SLC11A2: variants seen among roughly 807,000 people sequenced by gnomAD.
The protein encoded by SLC11A2 is solute carrier family 11 member 2, also known as natural resistance-associated macrophage protein 2.
SLC11A2 carries 38 observed loss-of-function variants against 68.0 expected under a neutral mutation model. The ratio of observed to expected loss-of-function variants is 0.56; its 90% confidence interval spans 0.43 to 0.73. SLC11A2 has a LOEUF of 0.73. Ranked by LOEUF, SLC11A2 falls within the 30% of genes least tolerant of loss-of-function variation. The pLI is 0.00. For missense variants in SLC11A2, 517 were observed against 690.5 expected, an observed-to-expected ratio of 0.75 and a Z score of 2.82; for synonymous variants, 242 against 250.6, an observed-to-expected ratio of 0.97 and a Z score of 0.32.
the SLC11A2 span, among the ~76,000 whole-genome samples, chr12:50,963,448 A>G: frequency 6.6e-6 from 1 of 151,864 alleles, no homozygotes; most frequent in African/African-American, 2.4e-5. Context: ...TGCAAAGATG[A>G]GCTAGAACAA....
chr12:50,994,417 G>C, intron 11 of SLC11A2, 127 bp downstream of exon 11: 1 of 717,506 alleles, frequency 1.4e-6, no homozygotes, highest in Non-Finnish European at 2.6e-6. Flanking sequence ...CTGGTGTCTG[G>C]AACTCTGAAA....
At chr12:51,009,874 G>A (rs181347394) in intron 2 of SLC11A2, among the ~76,000 whole-genome samples, 41 of 152,178 alleles carry the variant, frequency 2.7e-4, no homozygotes, top group Non-Finnish European at 4.6e-4. Context: ...TACGAAGCAG[G>A]TCTCTGGTTA....
chr12:51,005,526 C>A, intron 3 of SLC11A2, 90 bp from the exon 4 acceptor site: 2 of 1,588,616 alleles, frequency 1.3e-6, no homozygotes, highest in East Asian at 2.3e-5. Flanking sequence ...GCAACAAAAT[C>A]CAGCCTCACA....
chr12:51,014,188 G>A (rs1943451302), intron 1 of SLC11A2: 1 of 152,326 alleles, frequency 6.6e-6, no homozygotes, highest in South Asian at 2.1e-4. Flanking sequence ...GAGAGGCCAT[G>A]CTAATCTTCT....
the SLC11A2 span, among the ~76,000 whole-genome samples, chr12:50,966,012 TCAGTTCTAGGGATAC>T: frequency 2.6e-5 from 4 of 152,288 alleles, no homozygotes; most frequent in Non-Finnish European, 5.9e-5. Flanking sequence ...CCCATAAGTT[TCAGTTCTAGGGATAC>T]CATAATCAGT....
At chr12:50,981,029 G>C (rs1334760997), downstream of SLC11A2, 1 of 152,174 alleles carries the variant, frequency 6.6e-6, no homozygotes, top group African/African-American at 2.4e-5. Flanking sequence ...TCTGTTTAAT[G>C]ACTAGAAAAC....
chr12:50,973,031 G>C, the SLC11A2 span, among the ~76,000 whole-genome samples: 1 of 152,204 alleles, frequency 6.6e-6, no homozygotes, highest in African/African-American at 2.4e-5. Flanking sequence ...AGCTCAAGGA[G>C]GCCTGCCTGC....
chr12:50,952,645 C>T, the SLC11A2 span, among the ~76,000 whole-genome samples: 2 of 152,228 alleles, frequency 1.3e-5, no homozygotes, highest in Non-Finnish European at 2.9e-5. Context: ...AGCAACGTCA[C>T]GTCTTTCCCC....
Position 50,987,596 on chromosome 12 carries a change from C to T in SLC11A2, c.*729G>A. ...TGTACTAACAGGCAGGTTATTAAGA[C>T]TCCCAAGAAATCCTCATAAGCTTTT... On this transcript the variant is annotated 3_prime_UTR_variant, in exon 16 of 16. Coordinates refer to ENST00000262052, the MANE Select transcript of SLC11A2 (RefSeq NM_000617.3). 1 of 1,287,150 alleles carries T rather than the reference C, an allele frequency of 7.8e-7. No individual in the cohort carries two copies. The highest frequency in any genetic ancestry group is 1.0e-6 in the Non-Finnish European group (1 of 988,658). 79.7% of individuals were successfully genotyped at this position (1,287,150 alleles called of 1,614,324 possible).
chr12:50,993,495 C>T (rs969495165), intron 11 of SLC11A2, among the ~76,000 whole-genome samples: 4 of 151,506 alleles, frequency 2.6e-5, no homozygotes, highest in African/African-American at 9.7e-5. Flanking sequence ...GAGTTTGAGA[C>T]AAGCCTAGGC....
Position 50,999,207 on chromosome 12 carries a change from G to A in SLC11A2, c.642C>T (p.Leu214=). ...LRKLEAFFGF[L]ITIMALTFGY... ...CAAATGTGAGGGCCATAATAGTGAT[G>A]AGAAAGCCAAAAAATGCTTCTAGCT... The change falls in exon 8 of 16, where the codon CTC becomes CTT. Residue 214 remains leucine (L), a synonymous_variant. Transcript: ENST00000262052. 1 of 1,613,952 alleles carries A rather than the reference G, an allele frequency of 6.2e-7. No individual in the cohort carries two copies. The highest frequency in any genetic ancestry group is 8.5e-7 in the Non-Finnish European group (1 of 1,179,956).
chr12:51,022,849 C>T (rs1386894748), intron 1 of SLC11A2, among the ~76,000 whole-genome samples: 1 of 152,152 alleles, frequency 6.6e-6, no homozygotes, highest in Non-Finnish European at 1.5e-5. Context: ...ACAAACCTGA[C>T]ACAAAATGAC....
Position 50,986,339 on chromosome 12 carries a change from G to T in SLC11A2, c.*1986C>A. The stretch of plus-strand genomic sequence containing the variant: ...CTGGTTAAAATGCACTTTCTGTGAA[G>T]ATCAAATGCAATAACGTATGAGGGT... On this transcript the variant is annotated 3_prime_UTR_variant, in exon 16 of 16. Coordinates refer to ENST00000262052, the MANE Select transcript of SLC11A2 (RefSeq NM_000617.3). 1 of 1,283,558 alleles carries T rather than the reference G, an allele frequency of 7.8e-7. No individual in the cohort carries two copies. The highest frequency in any genetic ancestry group is 1.0e-6 in the Non-Finnish European group (1 of 985,334). The allele number at this position is 1,283,558 out of a possible 1,614,324, so 79.5% of individuals were successfully genotyped here.
At chr12:50,977,524 A>G (rs1173554669), downstream of SLC11A2, among the ~76,000 whole-genome samples, 1 of 152,208 alleles carries the variant, frequency 6.6e-6, no homozygotes, top group Non-Finnish European at 1.5e-5. Flanking sequence ...TAAACGTTAG[A>G]CCTAAAACCA....
At chr12:51,006,129 G>A (rs1403749767) in intron 3 of SLC11A2, 1 of 171,632 alleles carries the variant, frequency 5.8e-6, no homozygotes, top group Non-Finnish European at 1.3e-5. Context: ...GAGAAACCCT[G>A]TCTCTACTAA....
At chr12:51,013,907 C>T (rs1397649733) in intron 1 of SLC11A2, among the ~76,000 whole-genome samples, 14 of 152,006 alleles carry the variant, frequency 9.2e-5, no homozygotes, top group Admixed American at 4.6e-4. Context: ...CTGCAACCTC[C>T]GCCTCCCGGG....
At chr12:51,019,045 T>C (rs1168022126) in intron 1 of SLC11A2, among the ~76,000 whole-genome samples, 1 of 152,144 alleles carries the variant, frequency 6.6e-6, no homozygotes, top group African/African-American at 2.4e-5. Flanking sequence ...GGTGTCTTCA[T>C]GGAAGTAACT....
chr12:51,016,778 C>T (rs1471390610), intron 1 of SLC11A2, among the ~76,000 whole-genome samples: 6 of 139,660 alleles, frequency 4.3e-5, no homozygotes, highest in African/African-American at 1.1e-4. Flanking sequence ...ACCTGGGAGG[C>T]GGAGGTTGCA....
Position 50,992,223 on chromosome 12 carries a change from C to A in SLC11A2, c.1314G>T (p.Met438Ile). 6.2e-7 allele frequency: 1 copy of A among 1,614,076 alleles called. No individual in the cohort carries two copies. The highest frequency in any genetic ancestry group is 8.5e-7 in the Non-Finnish European group (1 of 1,179,944). ...VFQDVEHLTG[M>I]NDFLNVLQSL... is the part of the protein sequence containing the mutation. The stretch of plus-strand genomic sequence containing the variant: ...TCTGTAGAACATTCAGAAAGTCATT[C>A]ATCCCTGTTAGATGCTCTACATCTT... Residue 438 changes from methionine to isoleucine, a missense_variant, in exon 13 of 16, where the codon ATG becomes ATT. Transcript: ENST00000262052.
Sources: allele counts gnomAD v4.1 joint callset (sites outside exome capture counted in the v4.1 genomes callset), GRCh38; gene constraint gnomAD v4.1.1; transcripts MANE v1.5; gene names NCBI Gene and HGNC (gene_info 2026-07-23, HGNC 2026-07-21).